Variants in HELZ observed in about 807,000 individuals in gnomAD.
The protein encoded by HELZ is helicase with zinc finger, also known as ATP-dependent RNA helicase with zinc finger domain.
In HELZ, 23 loss-of-function variants were observed where a neutral mutation model predicts 218.2. The ratio of observed to expected loss-of-function variants is 0.11; its 90% CI spans 0.08 to 0.15. The LOEUF is 0.15. Ranked by LOEUF, HELZ falls within the 10% of genes least tolerant of loss-of-function variation. The pLI is 1.00. For synonymous variants in HELZ, 814 were observed against 829.4 expected (o/e 0.98, Z 0.32); for missense variants, 1,813 against 2,353.7 (o/e 0.77, Z 4.75).
chr17:67,192,750 C>T (rs1183013453), intron 9 of HELZ, among the ~76,000 whole-genome samples: 1 of 152,040 alleles, frequency 6.6e-6, no homozygotes, highest in Non-Finnish European at 1.5e-5. Flanking sequence ...TCTAAAGAGG[C>T]GGTGAGAATT....
At chr17:67,146,704 G>A (rs1179774630) in intron 20 of HELZ, among the ~76,000 whole-genome samples, 1 of 152,276 alleles carries the variant, frequency 6.6e-6, no homozygotes, top group Admixed American at 6.5e-5. Context: ...GCAAATGACT[G>A]AAAATAATAA....
intron 21 of HELZ, among the ~76,000 whole-genome samples, chr17:67,142,677 G>A (rs1320385101): frequency 2.0e-5 from 3 of 152,118 alleles, no homozygotes; most frequent in African/African-American, 7.2e-5. Context: ...TAAACAAGCT[G>A]AAATTGTTAT....
chr17:67,116,289 A>G (rs1200112659), intron 27 of HELZ, among the ~76,000 whole-genome samples: 1 of 152,162 alleles, frequency 6.6e-6, no homozygotes, highest in Non-Finnish European at 1.5e-5. Context: ...ACAAATTGAA[A>G]ACAAATAGCA....
chr17:67,220,087 G>A (rs995510476), intron 3 of HELZ, among the ~76,000 whole-genome samples: 1 of 152,072 alleles, frequency 6.6e-6, no homozygotes, highest in Admixed American at 6.6e-5. Context: ...CTGGCCTTAC[G>A]GTACTTCTTT....
chr17:67,168,312 T>A (rs1259038086), intron 13 of HELZ, among the ~76,000 whole-genome samples: 2 of 152,118 alleles, frequency 1.3e-5, no homozygotes, highest in African/African-American at 4.8e-5. Flanking sequence ...TAAACTCCCA[T>A]GTAAGTTACA....
chr17:67,105,863 A>C (rs2037084174), intron 31 of HELZ, among the ~76,000 whole-genome samples: 1 of 152,226 alleles, frequency 6.6e-6, no homozygotes, highest in Admixed American at 6.5e-5. Context: ...ATACAGAATG[A>C]GCCAATCAAT....
chr17:67,190,948 T>A (rs954624825), intron 9 of HELZ, among the ~76,000 whole-genome samples: 7 of 151,378 alleles, frequency 4.6e-5, no homozygotes, highest in African/African-American at 1.7e-4. Flanking sequence ...GACTTGGTGA[T>A]CCACCCGCCT....
At position 67,120,390 on chromosome 17, in the gene HELZ, C is replaced by T. The variant is rs79369854; in HGVS notation, c.3838+15G>A. On this transcript the variant is annotated intron_variant, in intron 27 of 32. Coordinates refer to ENST00000358691, the MANE Select transcript of HELZ (RefSeq NM_014877.4). ...CATCAGTTTATGAACAGGAGAACAG[C>T]GAAGTACAACTTACCATTTCGATTT... 7.9e-4 allele frequency: 1,270 copies of T among 1,605,150 alleles called. 10 individuals are homozygous for T. The African/African-American group carries it at 0.014, about 18-fold the overall frequency.
chr17:67,128,445 A>G (rs2037871496), intron 24 of HELZ: 1 of 576,402 alleles, frequency 1.7e-6, no homozygotes, highest in African/African-American at 1.9e-5. Flanking sequence ...TTGTTTGAGA[A>G]TGATCATAAC....
intron 31 of HELZ, among the ~76,000 whole-genome samples, chr17:67,097,377 G>A (rs992597162): frequency 2.6e-5 from 4 of 152,116 alleles, no homozygotes; most frequent in African/African-American, 9.7e-5. Flanking sequence ...TAATATCTGT[G>A]AAATGCAATA....
intron 24 of HELZ, among the ~76,000 whole-genome samples, chr17:67,128,016 T>A (rs2037856789): frequency 6.6e-6 from 1 of 152,158 alleles, no homozygotes; most frequent in Non-Finnish European, 1.5e-5. Context: ...AGTGCAAGCA[T>A]CTTTTTCAGG....
intron 3 of HELZ, chr17:67,224,927 TA>T: frequency 1.4e-6 from 1 of 721,796 alleles, no homozygotes; most frequent in Non-Finnish European, 2.6e-6. Flanking sequence ...ACGACTGTGC[TA>T]AGACTTGAGT....
At chr17:67,098,651 G>A (rs1214029847) in intron 31 of HELZ, among the ~76,000 whole-genome samples, 8 of 152,112 alleles carry the variant, frequency 5.3e-5, no homozygotes, top group Non-Finnish European at 1.2e-4. Flanking sequence ...GGCTGACACA[G>A]GAGAATTGCT....
chr17:67,147,757 G>A (rs1224326359), intron 20 of HELZ, among the ~76,000 whole-genome samples: 1 of 151,958 alleles, frequency 6.6e-6, no homozygotes, highest in Non-Finnish European at 1.5e-5. Flanking sequence ...GTGATTGTGG[G>A]TCTTAAGACC....
At chr17:67,084,603 C>A (rs550364701) in intron 32 of HELZ, among the ~76,000 whole-genome samples, 1 of 149,740 alleles carries the variant, frequency 6.7e-6, no homozygotes, top group Non-Finnish European at 1.5e-5. Context: ...GCGGAGCTTG[C>A]AGTGAGCCGA....
chr17:67,245,814 C>G (rs1196354525), upstream of HELZ: 1 of 152,176 alleles, frequency 6.6e-6, no homozygotes, highest in Non-Finnish European at 1.5e-5. Flanking sequence ...CAACTTTTTA[C>G]CCCTTGTTTA....
chr17:67,091,916 A>AATGT (rs534455754), intron 31 of HELZ, among the ~76,000 whole-genome samples: 56 of 152,214 alleles, frequency 3.7e-4, no homozygotes, highest in Non-Finnish European at 6.0e-4. Flanking sequence ...TTTCTGCTTA[A>AATGT]AGCAAATACG....
At chr17:67,233,997 G>A (rs1325697169) in intron 3 of HELZ, among the ~76,000 whole-genome samples, 1 of 144,768 alleles carries the variant, frequency 6.9e-6, no homozygotes, top group Non-Finnish European at 1.5e-5. Flanking sequence ...AGTGAGCTGA[G>A]ATAGCACCAT....
intron 3 of HELZ, among the ~76,000 whole-genome samples, chr17:67,230,507 G>T (rs2041007737): frequency 6.9e-6 from 1 of 145,026 alleles, no homozygotes; most frequent in Non-Finnish European, 1.5e-5. Flanking sequence ...TGAGGCAGGA[G>T]AATCGCTTGA....
Sources: gnomAD v4.1 joint callset for allele counts (sites outside exome capture counted in the v4.1 genomes callset) on GRCh38, gnomAD v4.1.1 for gene constraint, MANE v1.5 for transcripts, NCBI Gene and HGNC (gene_info 2026-07-23, HGNC 2026-07-21) for gene names.